Variants in ACACB observed in about 807,000 individuals in gnomAD.
ACACB encodes acetyl-CoA carboxylase beta, also known as acetyl-CoA carboxylase 2.
Under a neutral mutation model 278.8 loss-of-function variants are expected in ACACB, and 209 were observed. That is an observed-to-expected ratio of 0.75 (90% CI 0.67 to 0.84). The LOEUF (loss-of-function observed/expected upper bound fraction) is 0.84, where lower values mean the gene tolerates loss of function less well. Among genes scored for constraint, ACACB ranks in the 40% least tolerant of loss-of-function variants. The probability of loss-of-function intolerance (pLI) is 0.00; values close to 1 mark genes in which losing one functional copy is unlikely to be tolerated. For synonymous variants in ACACB, 1,174 were observed against 1,285.6 expected (o/e 0.91, Z 1.86); for missense variants, 2,850 against 3,269.0 (o/e 0.87, Z 3.13).
At chr12:109,132,502 T>C (rs985278689) in intron 1 of ACACB, among the ~76,000 whole-genome samples, 1 of 152,124 alleles carries the variant, frequency 6.6e-6, no homozygotes, top group Admixed American at 6.5e-5. Context: ...GAGGTGGTGG[T>C]GAGGGTCTTG....
At chr12:109,204,517 C>T (rs928154235) in intron 19 of ACACB, among the ~76,000 whole-genome samples, 15 of 151,786 alleles carry the variant, frequency 9.9e-5, no homozygotes, top group Admixed American at 2.6e-4. Flanking sequence ...TCAGGTGATC[C>T]GCCCACCTCA....
chr12:109,262,440 C>G lies in ACACB; in HGVS notation c.6758C>G (p.Pro2253Arg), dbSNP rs774964456. The change falls in exon 49 of 53, where the codon CCA becomes CGA. Residue 2253 changes from proline (P) to arginine (R), a missense_variant. Physicochemically the swap from Pro to Arg is moderately radical, Grantham distance 103. Around this residue, in one of 3 missense-constraint regions of ACACB, gnomAD observed 579 missense variants for 684.6 expected, o/e 0.85. Coordinates refer to ENST00000338432, the MANE Select transcript of ACACB (RefSeq NM_001093.4). The stretch of plus-strand genomic sequence containing the variant: ...ATAAAGTCCATGAGAAGGATCGATC[C>G]AGCTTACAAGAAGCTCATGGAACAG... ...DLIKSMRRIDPAYKKLMEQLG... is the reference protein window; with the variant it reads ...DLIKSMRRIDRAYKKLMEQLG... 8.7e-6 allele frequency: 14 copies of G among 1,613,684 alleles called. No individual in the cohort carries two copies. The highest frequency in any genetic ancestry group is 1.2e-5 in the Non-Finnish European group (14 of 1,179,886).
chr12:109,122,285 C>G (rs996149463), intron 1 of ACACB, among the ~76,000 whole-genome samples: 3 of 152,206 alleles, frequency 2.0e-5, no homozygotes, highest in Non-Finnish European at 4.4e-5. Context: ...TGCTACTGGT[C>G]TCACAAGGTG....
Position 109,223,879 on chromosome 12 carries a change from A to C in ACACB, c.3857A>C (p.Lys1286Thr), listed in dbSNP as rs766389079. The change falls in exon 27 of 53, where the codon AAA becomes ACA. Residue 1286 changes from lysine (K) to threonine (T), a missense_variant. Lys to Thr is a moderately conservative substitution (Grantham distance 78). Around this residue, in one of 3 missense-constraint regions of ACACB, gnomAD observed 2,265 missense variants for 2,561.3 expected, o/e 0.88. Transcript: ENST00000338432. ...CCTACTTTCTTCTATCACGCAAACA[A>C]AGTCGTGTGCATGGCGTCCTTGGAG... ...VLPTFFYHANKVVCMASLEVY... is the reference protein window; with the variant it reads ...VLPTFFYHANTVVCMASLEVY... 3 of 1,614,108 alleles carry C rather than the reference A, an allele frequency of 1.9e-6. No homozygotes were observed. Among genetic ancestry groups the C allele is most frequent in the Non-Finnish European group, 2.5e-6 (3 of 1,179,992 alleles).
At chr12:109,165,689 A>T (rs34278) in intron 2 of ACACB, among the ~76,000 whole-genome samples, 126,213 of 152,214 alleles carry the variant, frequency 0.83, 53,014 homozygotes, top group Middle Eastern at 0.9. Flanking sequence ...GATCACAAAC[A>T]AGTAAAACAT....
chr12:109,141,588 T>G (rs762375587), intron 2 of ACACB, among the ~76,000 whole-genome samples: 1 of 152,242 alleles, frequency 6.6e-6, no homozygotes, highest in Non-Finnish European at 1.5e-5. Context: ...AGTGAAGTTT[T>G]ACTGGCTATT....
At chr12:109,238,508 CATATT>C (rs2046703709) in intron 34 of ACACB, among the ~76,000 whole-genome samples, 1 of 141,384 alleles carries the variant, frequency 7.1e-6, no homozygotes, top group Non-Finnish European at 1.5e-5. Context: ...TAATATAATA[CATATT>C]ATATGTATTT....
intron 45 of ACACB, among the ~76,000 whole-genome samples, chr12:109,256,767 A>G (rs893036659): frequency 2.6e-5 from 4 of 152,188 alleles, no homozygotes; most frequent in Admixed American, 6.5e-5. Flanking sequence ...TGTCGCAGCT[A>G]TAAGTCCAGG....
chr12:109,256,211 C>T lies in ACACB; in HGVS notation c.6238C>T (p.Gln2080Ter). ...CAAGGAAATCATGGCACCCTGGGCG[C>T]AGACCGTGGTGACAGGACGAGCAAG... ...SFKEIMAPWAQTVVTGRARLG... is the reference protein window; with the variant it reads ...SFKEIMAPWA The change falls in exon 45 of 53, where the codon CAG becomes TAG. Residue 2080 changes from glutamine (Q) to a stop codon, truncating the protein, a stop_gained. Transcript: ENST00000338432. LOFTEE classifies it high-confidence loss of function. The T allele has an allele frequency of 6.2e-7, 1 of 1,613,962 alleles. No homozygotes were observed. Among genetic ancestry groups the T allele is most frequent in the Non-Finnish European group, 8.5e-7 (1 of 1,179,900 alleles).
At position 109,130,861 on chromosome 12, in the gene ACACB, T is replaced by C. The variant is rs371733406; in HGVS notation, c.-9-8536T>C. On this transcript the variant is annotated intron_variant, in intron 1 of 52. Transcript: ENST00000338432. ...GCCTGGGCTGACCTGTGTGTCCAGC[T>C]GGCCATTCGTGCCCAGTATAGCCAA... Among the ~76,000 whole-genome samples, 110 of 152,338 alleles carry C rather than the reference T, an allele frequency of 7.2e-4. 2 individuals are homozygous for C. The highest frequency in any genetic ancestry group is 2.6e-3 in the African/African-American group (109 of 41,568).
intron 2 of ACACB, among the ~76,000 whole-genome samples, chr12:109,152,226 T>C (rs1049166406): frequency 3.3e-5 from 5 of 152,236 alleles, no homozygotes; most frequent in Non-Finnish European, 7.3e-5. Flanking sequence ...TTCTGCATGA[T>C]CCTAACTGAC....
At chr12:109,210,510 CGCACATACATGTGTATATGTGT>C (rs2045802558) in intron 21 of ACACB, among the ~76,000 whole-genome samples, 1 of 146,474 alleles carries the variant, frequency 6.8e-6, no homozygotes, top group African/African-American at 2.5e-5. Flanking sequence ...TGTGTATATA[CGCACATACATGTGTATATGTGT>C]ATATATACGT....
chr12:109,142,825 C>A (rs2043152656), intron 2 of ACACB, among the ~76,000 whole-genome samples: 1 of 152,182 alleles, frequency 6.6e-6, no homozygotes, highest in Admixed American at 6.5e-5. Flanking sequence ...CCTTGGCCTC[C>A]CAAAGTGCTG....
intron 1 of ACACB, among the ~76,000 whole-genome samples, chr12:109,131,899 C>G (rs1347931559): frequency 1.3e-5 from 2 of 151,992 alleles, no homozygotes; most frequent in Non-Finnish European, 2.9e-5. Context: ...TTGACCACGG[C>G]CCCCCCACGC....
At chr12:109,223,347 C>T (rs1417561540) in intron 26 of ACACB, among the ~76,000 whole-genome samples, 1 of 152,150 alleles carries the variant, frequency 6.6e-6, no homozygotes, top group African/African-American at 2.4e-5. Flanking sequence ...CACCAGCTCT[C>T]CTATGATTAA....
chr12:109,120,592 G>A (rs1170908790), intron 1 of ACACB, among the ~76,000 whole-genome samples: 1 of 152,142 alleles, frequency 6.6e-6, no homozygotes, highest in Non-Finnish European at 1.5e-5. Flanking sequence ...TGTAAATAGA[G>A]CACTGTCTCC....
chr12:109,200,544 C>T (rs2045301399), intron 18 of ACACB, among the ~76,000 whole-genome samples: 1 of 152,066 alleles, frequency 6.6e-6, no homozygotes, highest in Admixed American at 6.6e-5. Flanking sequence ...ATATTGACCC[C>T]AGCAATAATT....
At chr12:109,234,084 G>A in intron 31 of ACACB, 39 bp downstream of exon 31, 1 of 1,512,010 alleles carries the variant, frequency 6.6e-7, no homozygotes, top group Non-Finnish European at 9.0e-7. Flanking sequence ...GGGGGTTCTT[G>A]GAGAAGGAGG....
rs1239296484 is a variant in ACACB at position 109,185,584 on chromosome 12, C to T, written c.1824C>T (p.Ala608=). 1 of 1,613,644 alleles carries T rather than the reference C, an allele frequency of 6.2e-7. No individual in the cohort carries two copies. The highest frequency in any genetic ancestry group is 8.5e-7 in the Non-Finnish European group (1 of 1,180,024). Residue 608 remains alanine, a synonymous_variant, in exon 12 of 53, where the codon GCC becomes GCT. Coordinates refer to ENST00000338432, the MANE Select transcript of ACACB (RefSeq NM_001093.4). ...GTTGGATCTCTTGATTTTAGATCGC[C>T]ATGGGCGTGCCACTGCACCGGCTGA... The part of the protein sequence containing the change: ...VNLPAAQLQI[A]MGVPLHRLKD...
Sources: allele counts gnomAD v4.1 joint callset (sites outside exome capture counted in the v4.1 genomes callset), GRCh38; gene constraint gnomAD v4.1.1; regional missense constraint gnomAD v4.1.1; transcripts MANE v1.5; gene names NCBI Gene and HGNC (gene_info 2026-07-23, HGNC 2026-07-21).